IPO11: variants seen among roughly 807,000 people sequenced by gnomAD.
IPO11 encodes importin-11.
A neutral mutation model predicts 143.2 loss-of-function variants in IPO11; 66 were observed. The ratio of observed to expected loss-of-function variants is 0.46; its 90% CI spans 0.38 to 0.57. The LOEUF is 0.57. Ranked by LOEUF, IPO11 falls within the 20% of genes least tolerant of loss-of-function variation. IPO11 has a pLI of 0.00. For missense variants in IPO11, 1,026 were observed against 1,141.0 expected, an observed-to-expected ratio of 0.90 and a Z score of 1.45; for synonymous variants, 385 against 377.8, an observed-to-expected ratio of 1.02 and a Z score of -0.22.
intron 16 of IPO11, among the ~76,000 whole-genome samples, chr5:62,501,544 T>A (rs1009339690): frequency 2.6e-5 from 4 of 152,148 alleles, no homozygotes; most frequent in African/African-American, 9.7e-5. Context: ...ATTTATTTAT[T>A]TATTTTTATT....
At chr5:62,439,443 C>G (rs785667) in intron 2 of IPO11, among the ~76,000 whole-genome samples, 1 of 151,716 alleles carries the variant, frequency 6.6e-6, no homozygotes, top group African/African-American at 2.4e-5. Context: ...CCCGCCACCA[C>G]GCCTGGCTAA....
chr5:62,506,433 A>T, intron 19 of IPO11, 76 bp downstream of exon 19: 1 of 807,686 alleles, frequency 1.2e-6, no homozygotes, highest in Non-Finnish European at 2.0e-6. Flanking sequence ...ATCCTTGACT[A>T]CATTGTTTAA....
chr5:62,598,721 T>G (rs868723375), intron 28 of IPO11, among the ~76,000 whole-genome samples: 41 of 150,940 alleles, frequency 2.7e-4, no homozygotes, highest in African/African-American at 7.8e-4. Context: ...ATTATTGTAT[T>G]TTTAGTAGAA....
Position 62,627,138 on chromosome 5 carries a change from T to A in IPO11, c.2764-16T>A, listed in dbSNP as rs770508222. ...TTTGCTTTTTTGACAGTCTTGCTCCTCTCTGTATCCCACAGCTGGCCCTGA... is the reference window on the plus strand; with the variant it reads ...TTTGCTTTTTTGACAGTCTTGCTCCACTCTGTATCCCACAGCTGGCCCTGA... On this transcript the variant is annotated splice_polypyrimidine_tract_variant and intron_variant, in intron 29 of 29. Coordinates refer to ENST00000325324, the MANE Select transcript of IPO11 (RefSeq NM_016338.5). 1 of 1,609,628 alleles carries A rather than the reference T, an allele frequency of 6.2e-7. No individual in the cohort carries two copies. The highest frequency in any genetic ancestry group is 1.1e-5 in the South Asian group (1 of 90,456).
intron 9 of IPO11, among the ~76,000 whole-genome samples, chr5:62,479,400 G>A (rs1354458619): frequency 1.3e-5 from 2 of 152,240 alleles, no homozygotes; most frequent in South Asian, 2.1e-4. Flanking sequence ...ATAAACATAC[G>A]TGTGCCTGTG....
chr5:62,532,710 CA>C lies in IPO11; in HGVS notation c.2089+1928del, dbSNP rs1302171851. Among the ~76,000 whole-genome samples, 8 of 152,072 alleles carry C rather than the reference CA, an allele frequency of 5.3e-5. No individual in the cohort carries two copies. In the South Asian group the frequency reaches 8.3e-4, roughly 16 times the overall value. On this transcript the variant is annotated intron_variant, in intron 22 of 29. Transcript: ENST00000325324. ...TTTGTAGCTGATGCATATTTCTTAC[CA>C]AATCAATAAGGACTTTTATGTGTTT...
chr5:62,435,118 G>GTATATATGA lies in IPO11; in HGVS notation c.-6-2148_-6-2147insATATATATG, dbSNP rs1744143606. Among the ~76,000 whole-genome samples, 7 of 60,722 alleles carry GTATATATGA rather than the reference G, an allele frequency of 1.2e-4. 1 individual carries two copies. The highest frequency in any genetic ancestry group is 4.1e-4 in the African/African-American group (6 of 14,608). 39.8% of individuals were successfully genotyped at this position (60,722 alleles called of 152,430 possible). A position where few individuals can be genotyped will look rare whatever the true frequency, so the allele number is the denominator to read the frequency against. On this transcript the variant is annotated intron_variant, in intron 1 of 29. Transcript: ENST00000325324. ...TATATATGTATATATATGTATATAT[G>GTATATATGA]TATATATGTATATATATGTATATAT...
At position 62,447,756 on chromosome 5, in the gene IPO11, T is replaced by C. The variant is rs760943617; in HGVS notation, c.240-2171T>C. Among the ~76,000 whole-genome samples the C allele has an allele frequency of 4.4e-4, 65 of 148,530 alleles. 1 individual carries two copies. Among genetic ancestry groups the C allele is most frequent in the Non-Finnish European group, 7.8e-4 (52 of 66,640 alleles). On this transcript the variant is annotated intron_variant, in intron 3 of 29. Coordinates refer to ENST00000325324, the MANE Select transcript of IPO11 (RefSeq NM_016338.5). The stretch of plus-strand genomic sequence containing the variant: ...GCGTGCCACCATGCCTGGCTAATTT[T>C]TGTATTTTTTGGTAGAGACAGGGTT...
chr5:62,488,689 C>T (rs1472644818), intron 13 of IPO11, among the ~76,000 whole-genome samples: 1 of 151,914 alleles, frequency 6.6e-6, no homozygotes, highest in South Asian at 2.1e-4. Flanking sequence ...GTGGTGTATC[C>T]TAGAGAAGAG....
At chr5:62,444,134 T>C (rs1408233493) in intron 3 of IPO11, among the ~76,000 whole-genome samples, 1 of 151,638 alleles carries the variant, frequency 6.6e-6, no homozygotes, top group Non-Finnish European at 1.5e-5. Flanking sequence ...CTCGCTCTGT[T>C]GCCCAGGCTG....
chr5:62,559,150 A>G (rs541163168), intron 26 of IPO11, among the ~76,000 whole-genome samples: 5 of 152,142 alleles, frequency 3.3e-5, no homozygotes, highest in Non-Finnish European at 7.4e-5. Flanking sequence ...TGGTTGCTGT[A>G]GGTGTGGGTG....
chr5:62,508,607 C>T (rs1392623060), intron 19 of IPO11, among the ~76,000 whole-genome samples: 1 of 151,060 alleles, frequency 6.6e-6, no homozygotes, highest in African/African-American at 2.4e-5. Context: ...TTTCTCCCTC[C>T]CTCCCTCCCT....
At chr5:62,452,675 G>GTT (rs1744978216) in intron 5 of IPO11, among the ~76,000 whole-genome samples, 2 of 148,656 alleles carry the variant, frequency 1.3e-5, no homozygotes, top group Admixed American at 1.3e-4. Flanking sequence ...GTGTGTGTGT[G>GTT]TGTGTGTGTG....
At chr5:62,524,218 T>C (rs73760830) in intron 20 of IPO11, among the ~76,000 whole-genome samples, 2,035 of 152,136 alleles carry the variant, frequency 0.013, 44 homozygotes, top group African/African-American at 0.047. Flanking sequence ...AATTATAAGG[T>C]ATTGAATCTC....
intron 12 of IPO11, among the ~76,000 whole-genome samples, chr5:62,486,902 A>G (rs1421159262): frequency 1.3e-5 from 2 of 152,136 alleles, no homozygotes; most frequent in Non-Finnish European, 2.9e-5. Context: ...ACATCCTCTG[A>G]CCATATTTCA....
At chr5:62,611,603 C>T (rs1383447354) in intron 29 of IPO11, among the ~76,000 whole-genome samples, 2 of 152,140 alleles carry the variant, frequency 1.3e-5, no homozygotes, top group Non-Finnish European at 2.9e-5. Flanking sequence ...ACTGTATCTC[C>T]CTTATTTACT....
intron 5 of IPO11, among the ~76,000 whole-genome samples, chr5:62,465,859 G>T (rs1259908326): frequency 1.3e-5 from 2 of 152,220 alleles, no homozygotes; most frequent in Non-Finnish European, 2.9e-5. Flanking sequence ...TGTGGGCCTT[G>T]TCTCATACAC....
chr5:62,550,453 A>G lies in IPO11; in HGVS notation c.2337A>G (p.Ile779Met). The change falls in exon 25 of 30, where the codon ATA (isoleucine) becomes ATG (methionine). Residue 779 changes from isoleucine to methionine, a missense_variant. By Grantham distance (10) the Ile-to-Met change is conservative. Coordinates refer to ENST00000325324, the MANE Select transcript of IPO11 (RefSeq NM_016338.5). ...TACCCTATGTTTTCAAGGGTATTAT[A>G]GAAGGGGAGGTAAGATTTTTCTTTA... Reference protein sequence around the residue: ...PILPYVFKGIIEGERYPVVMS... With the variant: ...PILPYVFKGIMEGERYPVVMS... The G allele has an allele frequency of 6.2e-7, 1 of 1,607,472 alleles. No individual in the cohort carries two copies. The highest frequency in any genetic ancestry group is 8.5e-7 in the Non-Finnish European group (1 of 1,174,986).
intron 19 of IPO11, chr5:62,512,529 C>A (rs1161329848): frequency 3.0e-6 from 2 of 656,826 alleles, no homozygotes; most frequent in Admixed American, 4.9e-5. Flanking sequence ...TATTTATATC[C>A]CTAGAACGAT....
Sources: allele counts gnomAD v4.1 joint callset (sites outside exome capture counted in the v4.1 genomes callset), GRCh38; gene constraint gnomAD v4.1.1; transcripts MANE v1.5; gene names NCBI Gene and HGNC (gene_info 2026-07-23, HGNC 2026-07-21).